Variants in UTP15 observed in about 807,000 individuals in gnomAD.
UTP15 encodes the protein UTP15 small subunit processome component, also known as U3 small nucleolar RNA-associated protein 15 homolog.
In UTP15, 5 loss-of-function variants were observed where a neutral mutation model predicts 59.1. That is an observed-to-expected ratio of 0.08 (90% CI 0.04 to 0.18). The LOEUF is 0.18. UTP15 is among the 10% of genes least tolerant of loss of function. UTP15 has a pLI of 1.00. For missense variants in UTP15, 494 were observed against 616.7 expected, an observed-to-expected ratio of 0.80 and a Z score of 2.11; for synonymous variants, 211 against 212.2, an observed-to-expected ratio of 0.99 and a Z score of 0.05.
At chr5:73,569,006 T>C (rs973600073) in intron 4 of UTP15, among the ~76,000 whole-genome samples, 2 of 152,194 alleles carry the variant, frequency 1.3e-5, no homozygotes, top group African/African-American at 4.8e-5. Context: ...GATTTTCTTC[T>C]TGAATTTATA....
At chr5:73,576,908 T>C in intron 7 of UTP15, 44 bp from the exon 8 acceptor site, 1 of 1,381,996 alleles carries the variant, frequency 7.2e-7, no homozygotes, top group Non-Finnish European at 1.0e-6. Context: ...CATTTTATAC[T>C]CGTTTTCAAG....
At chr5:73,571,574 C>G (rs959571535) in intron 6 of UTP15, among the ~76,000 whole-genome samples, 1 of 98,468 alleles carries the variant, frequency 1.0e-5, no homozygotes, top group South Asian at 3.0e-4. Context: ...TTTTTTTTTT[C>G]TTAATTCTAA....
chr5:73,580,167 C>A lies in UTP15; in HGVS notation c.*73C>A. 7.4e-7 allele frequency: 1 copy of A among 1,358,558 alleles called. No homozygotes were observed. The highest frequency in any genetic ancestry group is 2.0e-5 in the Admixed American group (1 of 49,590). 84.2% of individuals were successfully genotyped at this position (1,358,558 alleles called of 1,614,324 possible). A position where few individuals can be genotyped will look rare whatever the true frequency, so the allele number is the denominator to read the frequency against. Reference sequence around the variant, plus strand: ...GACTGTATTAAATGTTGGCGAGAGACTCTCTTTGATACATTAAAAAAACTG... The same window carrying A: ...GACTGTATTAAATGTTGGCGAGAGAATCTCTTTGATACATTAAAAAAACTG... On this transcript the variant is annotated 3_prime_UTR_variant, in exon 13 of 13. Transcript: ENST00000296792.
intron 7 of UTP15, among the ~76,000 whole-genome samples, chr5:73,576,434 A>C (rs1161886063): frequency 6.6e-6 from 1 of 150,834 alleles, no homozygotes; most frequent in Non-Finnish European, 1.5e-5. Context: ...GTGGCTAGTC[A>C]AAGTTTTTAT....
chr5:73,570,818 A>G (rs1023269701), intron 6 of UTP15, 107 bp downstream of exon 6: 21 of 1,473,622 alleles, frequency 1.4e-5, no homozygotes, highest in Non-Finnish European at 1.8e-5. Context: ...TTGCATATCT[A>G]AGTCTTTGTT....
At chr5:73,578,961 A>G in intron 10 of UTP15, 56 bp from the exon 11 acceptor site, 7 of 1,604,278 alleles carry the variant, frequency 4.4e-6, no homozygotes, top group Non-Finnish European at 6.0e-6. Context: ...AGTGCAAGAC[A>G]GTGATTTTTT....
At chr5:73,579,654 A>C (rs1296242492) in intron 12 of UTP15, among the ~76,000 whole-genome samples, 1 of 152,152 alleles carries the variant, frequency 6.6e-6, no homozygotes, top group African/African-American at 2.4e-5. Context: ...AATGAAAATA[A>C]GTCAGGAACT....
intron 9 of UTP15, 53 bp from the exon 10 acceptor site, chr5:73,578,698 A>G (rs1338404838): frequency 9.5e-6 from 14 of 1,474,948 alleles, no homozygotes; most frequent in East Asian, 2.3e-5. Flanking sequence ...TATTAAATGT[A>G]TATTTACACA....
At chr5:73,568,765 G>A (rs762229584) in intron 4 of UTP15, among the ~76,000 whole-genome samples, 161 bp downstream of exon 4, 6 of 152,136 alleles carry the variant, frequency 3.9e-5, no homozygotes, top group Non-Finnish European at 7.4e-5. Context: ...CTTGGGTTCC[G>A]TGGTCCAGTT....
At position 73,580,415 on chromosome 5, in the gene UTP15, T is replaced by G. The variant is rs1318573844; in HGVS notation, c.*321T>G. The G allele has an allele frequency of 2.7e-5, 5 of 187,682 alleles. No individual in the cohort carries two copies. The highest frequency in any genetic ancestry group is 6.1e-5 in the Admixed American group (1 of 16,494). 11.6% of individuals were successfully genotyped at this position (187,682 alleles called of 1,614,324 possible). ...ATTTGGGTTGGTATTCAGATGGGAA[T>G]TCAAATATGAATCCTCTCTGGAGAG... On this transcript the variant is annotated 3_prime_UTR_variant, in exon 13 of 13. Coordinates refer to ENST00000296792, the MANE Select transcript of UTP15 (RefSeq NM_032175.4).
chr5:73,573,028 C>G (rs1488393660), intron 7 of UTP15, among the ~76,000 whole-genome samples: 1 of 152,078 alleles, frequency 6.6e-6, no homozygotes, highest in Non-Finnish European at 1.5e-5. Flanking sequence ...GAACTCCTGA[C>G]CTCGTGATCC....
At position 73,565,798 on chromosome 5, in the gene UTP15, T is replaced by C. The variant is rs1001466679; in HGVS notation, c.-198T>C. 1.3e-5 allele frequency: 6 copies of C among 456,152 alleles called. No individual in the cohort carries two copies. Among genetic ancestry groups the C allele is most frequent in the Non-Finnish European group, 2.6e-5 (6 of 226,950 alleles). The allele number at this position is 456,152 out of a possible 1,614,324, so 28.3% of individuals were successfully genotyped here. On this transcript the variant is annotated 5_prime_UTR_variant, in exon 1 of 13. Coordinates refer to ENST00000296792, the MANE Select transcript of UTP15 (RefSeq NM_032175.4). ...GTGTGTGTCGCCGGCTCCTTGAGGGTCCATGTGATTTTTACGCCAGTGCTG... is the reference window on the plus strand; with the variant it reads ...GTGTGTGTCGCCGGCTCCTTGAGGGCCCATGTGATTTTTACGCCAGTGCTG...
intron 9 of UTP15, 29 bp from the exon 10 acceptor site, chr5:73,578,722 C>A: frequency 6.3e-7 from 1 of 1,590,406 alleles, no homozygotes; most frequent in Non-Finnish European, 8.6e-7. Context: ...GCTGATTTTC[C>A]TTCTCTATAA....
chr5:73,574,178 G>T (rs1748021914), intron 7 of UTP15, among the ~76,000 whole-genome samples: 1 of 151,814 alleles, frequency 6.6e-6, no homozygotes. Flanking sequence ...AAAAAAATTA[G>T]CTGGCCACAG....
At position 73,572,772 on chromosome 5, in the gene UTP15, C is replaced by A. The variant is rs78305841; in HGVS notation, c.809+148C>A. On this transcript the variant is annotated intron_variant, in intron 7 of 12. Transcript: ENST00000296792. Reference sequence around the variant, plus strand: ...CCTGTTGAGTTGAAAATAGTTTTGACCTTTTGTTTACATATAGCTACTTCT... The same window carrying A: ...CCTGTTGAGTTGAAAATAGTTTTGAACTTTTGTTTACATATAGCTACTTCT... 6.2e-3 allele frequency: 4,922 copies of A among 788,902 alleles called. 160 individuals are homozygous for A. The African/African-American group carries it at 0.075, about 12-fold the overall frequency. The allele number at this position is 788,902 out of a possible 1,614,324, so 48.9% of individuals were successfully genotyped here.
intron 12 of UTP15, among the ~76,000 whole-genome samples, chr5:73,579,619 A>T (rs765034904): frequency 5.5e-4 from 83 of 152,156 alleles, no homozygotes; most frequent in Non-Finnish European, 1.1e-3. Context: ...ATCTATAATG[A>T]CGATGACAAT....
intron 1 of UTP15, 57 bp downstream of exon 1, chr5:73,565,969 G>A (rs1358241672): frequency 2.2e-6 from 1 of 445,136 alleles, no homozygotes; most frequent in Non-Finnish European, 4.5e-6. Context: ...GCCTTCCTGT[G>A]TTAATCTGGC....
chr5:73,574,347 A>C (rs1013938703), intron 7 of UTP15, among the ~76,000 whole-genome samples: 1 of 152,104 alleles, frequency 6.6e-6, no homozygotes, highest in African/African-American at 2.4e-5. Context: ...TATTTTATAA[A>C]AATTACTGTC....
Position 73,580,251 on chromosome 5 carries a change from C to A in UTP15, c.*157C>A. ...TAATTATGGCCGGAAAACAAGTACC[C>A]GTTTTAAGTAAGACATGGTTTTCCA... is the stretch of plus-strand genomic sequence containing the variant. On this transcript the variant is annotated 3_prime_UTR_variant, in exon 13 of 13. Coordinates refer to ENST00000296792, the MANE Select transcript of UTP15 (RefSeq NM_032175.4). 1.8e-6 allele frequency: 1 copy of A among 565,696 alleles called. No individual in the cohort carries two copies. Among genetic ancestry groups the A allele is most frequent in the Non-Finnish European group, 3.0e-6 (1 of 330,784 alleles). The allele number at this position is 565,696 out of a possible 1,614,324, so 35.0% of individuals were successfully genotyped here.
Sources: allele counts gnomAD v4.1 joint callset (sites outside exome capture counted in the v4.1 genomes callset), GRCh38; gene constraint gnomAD v4.1.1; transcripts MANE v1.5; gene names NCBI Gene and HGNC (gene_info 2026-07-23, HGNC 2026-07-21).